The following CNTN4 variants were observed in gnomAD, a reference collection of about 807,000 sequenced individuals.
CNTN4 encodes the protein contactin-4.
In CNTN4, 77 loss-of-function variants were observed where a neutral mutation model predicts 122.5. The observed-to-expected ratio is 0.63, with a 90% CI of 0.52 to 0.76. The LOEUF (loss-of-function observed/expected upper bound fraction) is 0.76, where lower values mean the gene tolerates loss of function less well. Ranked by LOEUF, CNTN4 falls within the 30% of genes least tolerant of loss-of-function variation. The probability of loss-of-function intolerance (pLI) is 0.00; values close to 1 mark genes in which losing one functional copy is unlikely to be tolerated. For synonymous variants in CNTN4, 512 were observed against 447.0 expected (o/e 1.15, Z -1.83); for missense variants, 1,256 against 1,259.1 (o/e 1.00, Z 0.04).
At chr3:2,650,156 C>G (rs753663304) in intron 4 of CNTN4, among the ~76,000 whole-genome samples, 1 of 150,618 alleles carries the variant, frequency 6.6e-6, no homozygotes, top group Non-Finnish European at 1.5e-5. Context: ...AAATATCAAC[C>G]TTACCAGGAT....
intron 4 of CNTN4, among the ~76,000 whole-genome samples, chr3:2,686,393 C>T (rs143154609): frequency 1.8e-4 from 28 of 152,240 alleles, no homozygotes; most frequent in South Asian, 6.2e-4. Context: ...TCACCCACTC[C>T]ACCCAACCCT....
intron 2 of CNTN4, among the ~76,000 whole-genome samples, chr3:2,207,793 C>T (rs2038429285): frequency 6.6e-6 from 1 of 151,944 alleles, no homozygotes; most frequent in South Asian, 2.1e-4. Context: ...GAAGAAAATG[C>T]CATGTAGGGT....
intron 5 of CNTN4, among the ~76,000 whole-genome samples, chr3:2,737,557 A>G (rs1406397407): frequency 6.6e-6 from 1 of 152,254 alleles, no homozygotes; most frequent in East Asian, 1.9e-4. Context: ...AACTTAATAA[A>G]CATATTTTAA....
At chr3:2,868,985 A>G (rs1315986561) in intron 8 of CNTN4, among the ~76,000 whole-genome samples, 2 of 152,110 alleles carry the variant, frequency 1.3e-5, no homozygotes, top group African/African-American at 4.8e-5. Context: ...AGTTAACATC[A>G]TATGCAAAAG....
At chr3:3,039,528 C>G (rs1699948813) in intron 19 of CNTN4, 1 of 182,274 alleles carries the variant, frequency 5.5e-6, no homozygotes, top group Non-Finnish European at 1.2e-5. Context: ...TTGAAAGATT[C>G]TAAACAGCCC....
In CNTN4 at chr3:2,867,233, C is replaced by T. The variant is rs142256663; in HGVS notation, c.652+284C>T. Among the ~76,000 whole-genome samples the T allele has an allele frequency of 1.3e-3, 193 of 152,158 alleles. 1 individual carries two copies. Among genetic ancestry groups the T allele is most frequent in the African/African-American group, 4.5e-3 (186 of 41,524 alleles). On this transcript the variant is annotated intron_variant, in intron 8 of 24. Coordinates refer to ENST00000418658, the MANE Select transcript of CNTN4 (RefSeq NM_175607.3). ...AAGGAAGGTATTTCTTGTTTCTCTCCCACTTAAACTGTATACACAGTCAGA... is the reference window on the plus strand; with the variant it reads ...AAGGAAGGTATTTCTTGTTTCTCTCTCACTTAAACTGTATACACAGTCAGA...
intron 2 of CNTN4, among the ~76,000 whole-genome samples, chr3:2,253,705 C>T (rs2040464474): frequency 6.6e-6 from 1 of 151,534 alleles, no homozygotes. Flanking sequence ...GCAGTGGTGC[C>T]ATCTCGGCTC....
intron 4 of CNTN4, among the ~76,000 whole-genome samples, chr3:2,697,418 G>C (rs2086101509): frequency 6.6e-6 from 1 of 152,118 alleles, no homozygotes; most frequent in South Asian, 2.1e-4. Context: ...AAGAGATCCA[G>C]GTTGGAATAC....
intron 14 of CNTN4, among the ~76,000 whole-genome samples, chr3:2,989,577 T>A (rs181854341): frequency 6.6e-6 from 1 of 152,198 alleles, no homozygotes; most frequent in Non-Finnish European, 1.5e-5. Context: ...TTTTGGGAAG[T>A]CTTTTTATCA....
At chr3:2,183,886 G>GA (rs919130897) in intron 2 of CNTN4, among the ~76,000 whole-genome samples, 1 of 152,010 alleles carries the variant, frequency 6.6e-6, no homozygotes, top group African/African-American at 2.4e-5. Context: ...AATACGTTTG[G>GA]AAAAAAATAT....
At chr3:2,375,779 G>A (rs2045792772) in intron 3 of CNTN4, among the ~76,000 whole-genome samples, 1 of 152,100 alleles carries the variant, frequency 6.6e-6, no homozygotes, top group South Asian at 2.1e-4. Context: ...CATAAAGTTA[G>A]AGGACATATG....
rs139506205 is a variant in CNTN4 at position 2,800,291 on chromosome 3, A to C, written c.359-19195A>C. On this transcript the variant is annotated intron_variant, in intron 6 of 24. Transcript: ENST00000418658. ...TGTGCATGTTGTTCTTTACCCTGAC[A>C]TTCGATTTATTTCTTCTTTCTTCTC... Among the ~76,000 whole-genome samples the C allele has an allele frequency of 3.1e-3, 468 of 152,200 alleles. 3 individuals are homozygous for C. The highest frequency in any genetic ancestry group is 4.6e-3 in the Non-Finnish European group (314 of 68,018).
chr3:2,738,339 A>C (rs908495), intron 5 of CNTN4, among the ~76,000 whole-genome samples: 33,959 of 152,138 alleles, frequency 0.22, 3,966 homozygotes, highest in East Asian at 0.32. Flanking sequence ...AAGATAAAAT[A>C]TTCAGTACAG....
At position 2,183,881 on chromosome 3, in the gene CNTN4, GT is replaced by G. The variant is rs554426348; in HGVS notation, c.-145+83245del. ...CTCTCCTATTAGAAGAAACAAATAC[GT>G]TTGGAAAAAAATATTTTTGGATAGG... is the stretch of plus-strand genomic sequence containing the variant. On this transcript the variant is annotated intron_variant, in intron 2 of 24. Coordinates refer to ENST00000418658, the MANE Select transcript of CNTN4 (RefSeq NM_175607.3). 7.9e-5 allele frequency among the ~76,000 whole-genome samples: 12 copies of G among 152,158 alleles called. No homozygotes were observed. The South Asian group carries it at 8.3e-4, about 11-fold the overall frequency.
intron 8 of CNTN4, among the ~76,000 whole-genome samples, chr3:2,869,524 A>G (rs561798465): frequency 2.6e-5 from 4 of 152,346 alleles, no homozygotes; most frequent in African/African-American, 9.6e-5. Context: ...CAGGTTAGCA[A>G]AGGAAAAATC....
At chr3:2,311,209 T>C (rs929054352) in intron 2 of CNTN4, among the ~76,000 whole-genome samples, 4 of 152,118 alleles carry the variant, frequency 2.6e-5, no homozygotes, top group African/African-American at 4.8e-5. Flanking sequence ...CTAGCAGTAG[T>C]AGCAAGAATG....
chr3:2,264,085 G>A (rs2040946395), intron 2 of CNTN4, among the ~76,000 whole-genome samples: 1 of 152,128 alleles, frequency 6.6e-6, no homozygotes, highest in Non-Finnish European at 1.5e-5. Context: ...CGGCAGTGCA[G>A]ATATCTCTTC....
chr3:2,315,704 G>T (rs190316763), intron 2 of CNTN4, among the ~76,000 whole-genome samples: 1 of 151,840 alleles, frequency 6.6e-6, no homozygotes, highest in Non-Finnish European at 1.5e-5. Flanking sequence ...GAATCAGAAG[G>T]CTTTGAATCA....
chr3:2,287,620 G>A (rs547983454), intron 2 of CNTN4, among the ~76,000 whole-genome samples: 3 of 34,932 alleles, frequency 8.6e-5, no homozygotes, highest in Admixed American at 3.5e-4. Context: ...GAAGGAGAAG[G>A]AGAAGGAGAA....
Sources: allele counts gnomAD v4.1 joint callset (sites outside exome capture counted in the v4.1 genomes callset), GRCh38; gene constraint gnomAD v4.1.1; transcripts MANE v1.5; gene names NCBI Gene and HGNC (gene_info 2026-07-23, HGNC 2026-07-21).